Variants in GRAMD1C observed in about 807,000 individuals in gnomAD.
GRAMD1C encodes protein Aster-C.
GRAMD1C carries 89 observed loss-of-function variants against 97.8 expected under a neutral mutation model. That is an observed-to-expected ratio of 0.91 (90% confidence interval 0.77 to 1.09). The LOEUF (loss-of-function observed/expected upper bound fraction) is 1.09. Ranked by LOEUF, GRAMD1C falls within the 50% of genes least tolerant of loss-of-function variation. The pLI is 0.00. For missense variants in GRAMD1C, 740 were observed against 766.4 expected (o/e 0.97, Z 0.41); for synonymous variants, 256 against 267.0 (o/e 0.96, Z 0.40).
At chr3:113,870,248 A>G (rs923566575) in intron 3 of GRAMD1C, among the ~76,000 whole-genome samples, 7 of 152,030 alleles carry the variant, frequency 4.6e-5, no homozygotes, top group Non-Finnish European at 1.0e-4. Context: ...CTGCAGTCCC[A>G]GCTGCTCAAG....
At chr3:113,905,605 G>A (rs1936342007) in intron 8 of GRAMD1C, among the ~76,000 whole-genome samples, 1 of 152,020 alleles carries the variant, frequency 6.6e-6, no homozygotes, top group Non-Finnish European at 1.5e-5. Flanking sequence ...TTTTTAATAA[G>A]AGTTAAATGA....
intron 17 of GRAMD1C, among the ~76,000 whole-genome samples, chr3:113,941,678 G>T (rs1937788231): frequency 6.6e-6 from 1 of 150,694 alleles, no homozygotes; most frequent in South Asian, 2.1e-4. Context: ...GAGTGCAGTG[G>T]CACAATCTCA....
chr3:113,844,978 A>T (rs964648962), intron 2 of GRAMD1C: 16 of 173,176 alleles, frequency 9.2e-5, no homozygotes, highest in Admixed American at 8.2e-4. Flanking sequence ...AATGTTACTG[A>T]GAAGCCAGCT....
intron 6 of GRAMD1C, among the ~76,000 whole-genome samples, chr3:113,893,535 C>T (rs1389308654): frequency 6.6e-6 from 1 of 152,176 alleles, no homozygotes; most frequent in East Asian, 1.9e-4. Context: ...ATTACAGTTA[C>T]AATTCTATGG....
chr3:113,869,467 A>C, intron 2 of GRAMD1C, 40 bp from the exon 3 acceptor site: 1 of 954,652 alleles, frequency 1.0e-6, no homozygotes, highest in Non-Finnish European at 1.7e-6. Flanking sequence ...GGACACTATA[A>C]TTACAATTAG....
intron 1 of GRAMD1C, among the ~76,000 whole-genome samples, chr3:113,843,882 CTA>C (rs770249936): frequency 5.0e-4 from 76 of 152,306 alleles, no homozygotes; most frequent in African/African-American, 1.5e-3. Context: ...ATTCTTGACT[CTA>C]TGTGTATATT....
intron 3 of GRAMD1C, 52 bp from the exon 4 acceptor site, chr3:113,875,432 T>C: frequency 3.7e-6 from 3 of 810,102 alleles, no homozygotes; most frequent in Non-Finnish European, 6.6e-6. Context: ...ATAAGGTCTA[T>C]TAATTTCTCA....
chr3:113,865,900 C>T (rs1934565905), intron 2 of GRAMD1C, among the ~76,000 whole-genome samples: 1 of 151,958 alleles, frequency 6.6e-6, no homozygotes, highest in African/African-American at 2.4e-5. Flanking sequence ...GGCTCCAGTC[C>T]TTGTGTTGTT....
chr3:113,937,537 T>C (rs879678839), intron 14 of GRAMD1C, among the ~76,000 whole-genome samples: 4 of 152,216 alleles, frequency 2.6e-5, no homozygotes, highest in African/African-American at 7.2e-5. Context: ...TAATTTGCAA[T>C]ATAGGCCAAA....
intron 2 of GRAMD1C, among the ~76,000 whole-genome samples, chr3:113,857,685 G>GT (rs1934204850): frequency 6.6e-6 from 1 of 151,990 alleles, no homozygotes; most frequent in Admixed American, 6.6e-5. Context: ...CTGTATTCCT[G>GT]TTTTTTAAGA....
chr3:113,848,497 G>GT (rs58147654), intron 2 of GRAMD1C, among the ~76,000 whole-genome samples: 142,812 of 148,460 alleles, frequency 0.96, 68,863 homozygotes, highest in Non-Finnish European at 0.99. Context: ...TGTTGTATTT[G>GT]TTTTTTTTTT....
Position 113,945,661 on chromosome 3 carries a change from T to C in GRAMD1C, c.*183T>C, listed in dbSNP as rs1938037575. The C allele has an allele frequency of 3.7e-6, 2 of 536,418 alleles. No homozygotes were observed. The highest frequency in any genetic ancestry group is 3.3e-5 in the East Asian group (1 of 30,664). The allele number at this position is 536,418 out of a possible 1,614,324, so 33.2% of individuals were successfully genotyped here. On this transcript the variant is annotated 3_prime_UTR_variant, in exon 18 of 18. Coordinates refer to ENST00000358160, the MANE Select transcript of GRAMD1C (RefSeq NM_017577.5). ...AATTAGTTTCTGCTGGCCTTAATAA[T>C]CCATCCTTTCACTTCTTATAGATAT...
chr3:113,934,134 T>A (rs1333550150), intron 12 of GRAMD1C, among the ~76,000 whole-genome samples: 1 of 152,206 alleles, frequency 6.6e-6, no homozygotes, highest in Non-Finnish European at 1.5e-5. Flanking sequence ...ATACAAGGAA[T>A]TTAGAAAATT....
At chr3:113,910,082 G>A (rs1157583660) in intron 9 of GRAMD1C, among the ~76,000 whole-genome samples, 1 of 151,828 alleles carries the variant, frequency 6.6e-6, no homozygotes, top group Non-Finnish European at 1.5e-5. Flanking sequence ...ATTCCATATG[G>A]CATTAAAAAA....
At chr3:113,886,191 G>T (rs1224204907) in intron 6 of GRAMD1C, among the ~76,000 whole-genome samples, 1 of 152,152 alleles carries the variant, frequency 6.6e-6, no homozygotes, top group African/African-American at 2.4e-5. Flanking sequence ...CACTCCACTT[G>T]GAGTCTGGAT....
At chr3:113,922,139 A>G (rs1937082344) in intron 10 of GRAMD1C, among the ~76,000 whole-genome samples, 1 of 151,810 alleles carries the variant, frequency 6.6e-6, no homozygotes, top group Admixed American at 6.6e-5. Flanking sequence ...AGTGGCGCAA[A>G]CAGCTTACTG....
intron 6 of GRAMD1C, chr3:113,885,258 C>T (rs966925732): frequency 3.1e-5 from 39 of 1,240,132 alleles, no homozygotes; most frequent in Non-Finnish European, 3.2e-5. Context: ...GGAGCTGGGC[C>T]GTGGGGGCCT....
At chr3:113,915,629 G>A (rs563488716) in intron 9 of GRAMD1C, 72 bp from the exon 10 acceptor site, 50 of 1,237,594 alleles carry the variant, frequency 4.0e-5, no homozygotes, top group South Asian at 2.2e-4. Context: ...AAAACCCCAC[G>A]AAACCCCCTA....
At chr3:113,873,587 C>T (rs1199717506) in intron 3 of GRAMD1C, among the ~76,000 whole-genome samples, 2 of 151,982 alleles carry the variant, frequency 1.3e-5, no homozygotes, top group East Asian at 3.9e-4. Context: ...GGCATGATCT[C>T]AGCTCACTGT....
Sources: allele counts gnomAD v4.1 joint callset (sites outside exome capture counted in the v4.1 genomes callset), GRCh38; gene constraint gnomAD v4.1.1; transcripts MANE v1.5; gene names NCBI Gene and HGNC (gene_info 2026-07-23, HGNC 2026-07-21).